C8B: variants seen among roughly 807,000 people sequenced by gnomAD.
The protein encoded by C8B is complement C8 beta chain, also known as complement component C8 beta chain.
In C8B, 67 loss-of-function variants were observed where a neutral mutation model predicts 64.6. The observed-to-expected ratio is 1.04, with a 90% CI of 0.85 to 1.27. The LOEUF (loss-of-function observed/expected upper bound fraction) is 1.27. Ranked by LOEUF, C8B falls within the 50% of genes most tolerant of loss-of-function variation. The pLI, the probability that C8B is intolerant of heterozygous loss-of-function variation, is 0.00. For missense variants in C8B, 790 were observed against 725.2 expected (o/e 1.09, Z -1.03); for synonymous variants, 284 against 257.7 (o/e 1.10, Z -0.98).
intron 1 of C8B, 72 bp downstream of exon 1, chr1:56,965,785 T>C: frequency 6.5e-7 from 1 of 1,531,092 alleles, no homozygotes; most frequent in Non-Finnish European, 9.1e-7. Context: ...AACAAAGAGA[T>C]GGTCAGCATC....
Position 56,951,716 on chromosome 1 carries a change from A to G in C8B, c.666+332T>C, listed in dbSNP as rs560567670. Among the ~76,000 whole-genome samples, 5 of 152,350 alleles carry G rather than the reference A, an allele frequency of 3.3e-5. No homozygotes were observed. In the South Asian group the frequency reaches 1.0e-3, roughly 32 times the overall value. ...TATAACTCCCAATTTAAAGATAGGA[A>G]AACAGAGGCTCATAGCCTTTGGATT... On this transcript the variant is annotated intron_variant, in intron 5 of 11. Coordinates refer to ENST00000371237, the MANE Select transcript of C8B (RefSeq NM_000066.4).
intron 11 of C8B, 152 bp from the exon 12 acceptor site, chr1:56,929,710 C>T (rs1339617738): frequency 1.1e-5 from 8 of 746,740 alleles, no homozygotes; most frequent in East Asian, 2.7e-5. Context: ...ACTTGTCATG[C>T]TCTTGCCTAC....
chr1:56,963,936 G>C, intron 1 of C8B: 1 of 985,334 alleles, frequency 1.0e-6, no homozygotes, highest in Non-Finnish European at 1.2e-6. Flanking sequence ...GGTGGTCTCA[G>C]CATTTTCTGT....
intron 4 of C8B, among the ~76,000 whole-genome samples, chr1:56,953,520 G>A (rs1383992438): frequency 2.6e-5 from 4 of 152,168 alleles, no homozygotes; most frequent in Non-Finnish European, 5.9e-5. Context: ...GAGTCTCCCT[G>A]CCGGGAACAA....
chr1:56,956,181 G>T (rs192073126), intron 3 of C8B, among the ~76,000 whole-genome samples: 6 of 152,294 alleles, frequency 3.9e-5, no homozygotes, highest in African/African-American at 1.4e-4. Flanking sequence ...GATAAATGAT[G>T]CTAACTGCCC....
chr1:56,945,855 G>T lies in C8B; in HGVS notation c.1071C>A (p.Thr357=). The T allele has an allele frequency of 6.2e-7, 1 of 1,614,066 alleles. No homozygotes were observed. The highest frequency in any genetic ancestry group is 1.1e-5 in the South Asian group (1 of 91,066). Residue 357 remains threonine (T), a synonymous_variant, in exon 7 of 12, where the codon ACC becomes ACA. Transcript: ENST00000371237. ...CCATGGCCTCTTTGTTCATAACGAG[G>T]GTGTATTCATAAATGCCCCCAAGCA... ...EAVLGGIYEY[T]LVMNKEAMER...
chr1:56,941,463 CAGAT>C (rs1644854270), intron 8 of C8B, among the ~76,000 whole-genome samples: 1 of 150,972 alleles, frequency 6.6e-6, no homozygotes, highest in Non-Finnish European at 1.5e-5. Context: ...GATAGACAGA[CAGAT>C]AAATAGATAG....
chr1:56,956,778 C>T lies in C8B; in HGVS notation c.382G>A (p.Ala128Thr). 2.5e-6 allele frequency: 4 copies of T among 1,613,944 alleles called. No homozygotes were observed. Among genetic ancestry groups the T allele is most frequent in the South Asian group, 1.1e-5 (1 of 91,080 alleles). The change falls in exon 3 of 12, where the codon GCA becomes ACA. Residue 128 changes from alanine (A) to threonine (T), a missense_variant. By Grantham distance (58) the Ala-to-Thr change is moderately conservative. Transcript: ENST00000371237. ...SQVRCEGFVC[A>T]QTGRCVNRRL... ...CTACATTGATTTATACCTGTCTGTG[C>T]ACACACAAAGCCTTCACATCGCACT...
At chr1:56,933,528 T>A in intron 9 of C8B, 40 bp from the exon 10 acceptor site, 1 of 1,576,884 alleles carries the variant, frequency 6.3e-7, no homozygotes, top group Non-Finnish European at 8.7e-7. Flanking sequence ...GAGAAAAACA[T>A]TTATCAAGTA....
At chr1:56,937,527 G>T (rs1200719100) in intron 9 of C8B, among the ~76,000 whole-genome samples, 1 of 152,018 alleles carries the variant, frequency 6.6e-6, no homozygotes, top group African/African-American at 2.4e-5. Context: ...TCATACAATG[G>T]CTTCTCTACC....
At chr1:56,952,293 C>T in intron 4 of C8B, 113 bp from the exon 5 acceptor site, 1 of 1,427,444 alleles carries the variant, frequency 7.0e-7, no homozygotes, top group Non-Finnish European at 9.8e-7. Flanking sequence ...CTTCAAGGCC[C>T]TTGATACCTG....
chr1:56,929,648 C>T (rs76151167), intron 11 of C8B, 90 bp from the exon 12 acceptor site: 39,113 of 1,245,876 alleles, frequency 0.031, 1,356 homozygotes, highest in African/African-American at 0.13. Context: ...AGCCAAAAGG[C>T]TTTGGGAGTC....
intron 6 of C8B, among the ~76,000 whole-genome samples, chr1:56,948,362 A>G (rs1194485189): frequency 6.6e-6 from 1 of 152,216 alleles, no homozygotes; most frequent in African/African-American, 2.4e-5. Context: ...TTGGTAATCA[A>G]CAGATGTGGA....
Position 56,943,808 on chromosome 1 carries a change from G to A in C8B, c.1122C>T (p.Asn374=), listed in dbSNP as rs767966002. 53 of 1,614,014 alleles carry A rather than the reference G, an allele frequency of 3.3e-5. No homozygotes were observed. The highest frequency in any genetic ancestry group is 4.4e-5 in the South Asian group (4 of 91,078). Residue 374 remains asparagine (N), a synonymous_variant, in exon 8 of 12, where the codon AAC becomes AAT. Coordinates refer to ENST00000371237, the MANE Select transcript of C8B (RefSeq NM_000066.4). The part of the protein sequence containing the change: ...AMERGDYTLN[N]VHACAKNDFK... ...AATCATTTTTGGCACAGGCATGGAC[G>A]TTGTTAAGAGTATAATCTGAAGAAA...
chr1:56,947,758 C>T (rs1254424461), intron 6 of C8B, among the ~76,000 whole-genome samples: 1 of 151,336 alleles, frequency 6.6e-6, no homozygotes, highest in Admixed American at 6.6e-5. Context: ...GGTGAAACCC[C>T]GTCTCTACTA....
chr1:56,942,778 G>A (rs1644882623), intron 8 of C8B, among the ~76,000 whole-genome samples: 1 of 151,888 alleles, frequency 6.6e-6, no homozygotes. Context: ...AAAAAGTAGG[G>A]GGGCGTCTCT....
chr1:56,944,186 C>T (rs908997737), intron 7 of C8B, among the ~76,000 whole-genome samples: 7 of 152,208 alleles, frequency 4.6e-5, no homozygotes, highest in Non-Finnish European at 8.8e-5. Flanking sequence ...CTCCCTGACC[C>T]ACCCTTCTCC....
intron 9 of C8B, among the ~76,000 whole-genome samples, chr1:56,939,387 C>T (rs568058385): frequency 5.9e-5 from 9 of 152,314 alleles, no homozygotes; most frequent in African/African-American, 2.2e-4. Flanking sequence ...GAATGGCAGC[C>T]TTCTTGTTCT....
At chr1:56,943,302 G>A (rs1484393284) in intron 8 of C8B, among the ~76,000 whole-genome samples, 1 of 152,140 alleles carries the variant, frequency 6.6e-6, no homozygotes, top group Non-Finnish European at 1.5e-5. Context: ...TATGTAAGAT[G>A]TTCAGAGCAG....
Sources: gnomAD v4.1 joint callset for allele counts (sites outside exome capture counted in the v4.1 genomes callset) on GRCh38, gnomAD v4.1.1 for gene constraint, MANE v1.5 for transcripts, NCBI Gene and HGNC (gene_info 2026-07-23, HGNC 2026-07-21) for gene names.